Variants in DPYD observed in about 807,000 individuals in gnomAD.
The protein encoded by DPYD is dihydropyrimidine dehydrogenase.
In DPYD, 109 loss-of-function variants were observed where a neutral mutation model predicts 116.2. The ratio of observed to expected loss-of-function variants is 0.94; its 90% confidence interval spans 0.80 to 1.10. The LOEUF (loss-of-function observed/expected upper bound fraction) is 1.10. Ranked by LOEUF, DPYD falls within the 50% of genes least tolerant of loss-of-function variation. The pLI is 0.00. For synonymous variants in DPYD, 440 were observed against 432.0 expected (o/e 1.02, Z -0.23); for missense variants, 1,302 against 1,254.5 (o/e 1.04, Z -0.57).
intron 16 of DPYD, among the ~76,000 whole-genome samples, chr1:97,347,967 C>T (rs1347071969): frequency 6.6e-6 from 1 of 152,144 alleles, no homozygotes; most frequent in Non-Finnish European, 1.5e-5. Flanking sequence ...AAACCAATCT[C>T]ACTGGAATGC....
At chr1:97,120,837 C>T (rs1652370723) in intron 20 of DPYD, among the ~76,000 whole-genome samples, 1 of 152,120 alleles carries the variant, frequency 6.6e-6, no homozygotes, top group Non-Finnish European at 1.5e-5. Context: ...TCTGGGACCA[C>T]AGTGTTAGTT....
intron 13 of DPYD, among the ~76,000 whole-genome samples, chr1:97,504,938 T>C (rs1327520466): frequency 2.0e-5 from 3 of 151,814 alleles, no homozygotes; most frequent in Admixed American, 6.6e-5. Context: ...CTTGTGTCCA[T>C]TGAGTAAAAT....
chr1:97,226,145 T>C (rs2100711787), intron 19 of DPYD, among the ~76,000 whole-genome samples: 1 of 151,280 alleles, frequency 6.6e-6, no homozygotes, highest in Non-Finnish European at 1.5e-5. Context: ...AACCATACGA[T>C]AATCTTAATA....
intron 20 of DPYD, among the ~76,000 whole-genome samples, chr1:97,134,744 A>C (rs1653655098): frequency 6.6e-6 from 1 of 152,114 alleles, no homozygotes; most frequent in African/African-American, 2.4e-5. Flanking sequence ...CATACTTTTA[A>C]AGGTTCAGCG....
chr1:97,670,721 AC>A (rs1331259267), intron 8 of DPYD, among the ~76,000 whole-genome samples: 1 of 150,488 alleles, frequency 6.6e-6, no homozygotes, highest in African/African-American at 2.4e-5. Context: ...ATTATCTCCC[AC>A]AAAAAATGTA....
chr1:97,855,624 G>A (rs951900647), intron 2 of DPYD: 3 of 152,160 alleles, frequency 2.0e-5, no homozygotes, highest in Admixed American at 6.5e-5. Context: ...ATTTAGGTTG[G>A]TAGCTTAAAG....
intron 16 of DPYD, among the ~76,000 whole-genome samples, chr1:97,330,113 C>T (rs1668913149): frequency 6.6e-6 from 1 of 151,906 alleles, no homozygotes; most frequent in South Asian, 2.1e-4. Context: ...AGATAGTGAA[C>T]AACTGTTTGG....
At chr1:97,356,776 G>A (rs1333630849) in intron 16 of DPYD, among the ~76,000 whole-genome samples, 27 of 152,150 alleles carry the variant, frequency 1.8e-4, no homozygotes, top group Non-Finnish European at 1.5e-5. Flanking sequence ...ATGAAAAGAT[G>A]TCCTTTTTCC....
chr1:97,810,219 A>G (rs2210616), intron 3 of DPYD, among the ~76,000 whole-genome samples: 144,680 of 146,736 alleles, frequency 0.99, 71,353 homozygotes, highest in Middle Eastern at 1. Context: ...CCCAGGAGGC[A>G]GAGCTTGCAG....
chr1:97,349,635 T>C (rs969448146), intron 16 of DPYD, among the ~76,000 whole-genome samples: 35 of 152,180 alleles, frequency 2.3e-4, no homozygotes, highest in African/African-American at 8.2e-4. Flanking sequence ...CTGAGAATGA[T>C]GGCTTCCAGG....
At chr1:97,402,010 T>C (rs922603724) in intron 14 of DPYD, among the ~76,000 whole-genome samples, 72 of 152,160 alleles carry the variant, frequency 4.7e-4, no homozygotes, top group African/African-American at 1.6e-3. Context: ...AATATTACAC[T>C]GTCAGATTAC....
chr1:97,195,702 T>C (rs1182775528), intron 19 of DPYD, among the ~76,000 whole-genome samples: 2 of 114,544 alleles, frequency 1.7e-5, no homozygotes, highest in Admixed American at 9.9e-5. Context: ...CTAGGAGTTC[T>C]CAGCAAGCAG....
At chr1:97,748,383 C>T (rs1364600633) in intron 3 of DPYD, among the ~76,000 whole-genome samples, 4 of 151,946 alleles carry the variant, frequency 2.6e-5, no homozygotes, top group East Asian at 1.9e-4. Flanking sequence ...CCACGGCGGG[C>T]GGATCACGTG....
intron 7 of DPYD, among the ~76,000 whole-genome samples, chr1:97,686,917 G>A (rs1172526859): frequency 6.6e-6 from 1 of 151,892 alleles, no homozygotes; most frequent in Non-Finnish European, 1.5e-5. Context: ...AAGGTCTAAT[G>A]TCCAGAATCT....
chr1:97,753,448 T>G (rs1202519707), intron 3 of DPYD, among the ~76,000 whole-genome samples: 2 of 152,192 alleles, frequency 1.3e-5, no homozygotes, highest in Non-Finnish European at 2.9e-5. Context: ...CAGGTTTGAC[T>G]TGCTCTACAG....
At chr1:97,389,215 G>GTCTC (rs1166974741) in intron 14 of DPYD, among the ~76,000 whole-genome samples, 1 of 151,672 alleles carries the variant, frequency 6.6e-6, no homozygotes, top group Non-Finnish European at 1.5e-5. Context: ...GGCTGAGGCA[G>GTCTC]GAGAATGGCT....
chr1:97,472,584 C>A (rs1387904668), intron 13 of DPYD, among the ~76,000 whole-genome samples: 2 of 152,154 alleles, frequency 1.3e-5, no homozygotes, highest in African/African-American at 4.8e-5. Flanking sequence ...TAATTGACAG[C>A]AAATTGGGGA....
chr1:97,402,919 T>G (rs1570675909), intron 14 of DPYD, among the ~76,000 whole-genome samples: 3 of 99,642 alleles, frequency 3.0e-5, no homozygotes, highest in Non-Finnish European at 6.9e-5. Context: ...CATTACCTGA[T>G]TTTTTGAATG....
intron 13 of DPYD, among the ~76,000 whole-genome samples, chr1:97,482,000 T>C (rs1212202738): frequency 6.6e-6 from 1 of 152,204 alleles, no homozygotes; most frequent in East Asian, 1.9e-4. Flanking sequence ...TTTTTTTAGA[T>C]TACTTTTACT....
Sources: gnomAD v4.1 joint callset for allele counts (sites outside exome capture counted in the v4.1 genomes callset) on GRCh38, gnomAD v4.1.1 for gene constraint, MANE v1.5 for transcripts, NCBI Gene and HGNC (gene_info 2026-07-23, HGNC 2026-07-21) for gene names.